KAT6A: variants seen among roughly 807,000 people sequenced by gnomAD.
KAT6A encodes lysine acetyltransferase 6A, also known as histone acetyltransferase KAT6A.
KAT6A carries 9 observed loss-of-function variants against 198.4 expected under a neutral mutation model. That is an observed-to-expected ratio of 0.05 (90% CI 0.03 to 0.08). The LOEUF (loss-of-function observed/expected upper bound fraction) is 0.08. Ranked by LOEUF, KAT6A falls within the 10% of genes least tolerant of loss-of-function variation. The pLI is 1.00. For synonymous variants in KAT6A, 890 were observed against 883.0 expected, an observed-to-expected ratio of 1.01 and a Z score of -0.14; for missense variants, 2,077 against 2,509.9, an observed-to-expected ratio of 0.83 and a Z score of 3.69.
At chr8:42,025,515 T>C (rs1826768852) in intron 2 of KAT6A, among the ~76,000 whole-genome samples, 1 of 152,146 alleles carries the variant, frequency 6.6e-6, no homozygotes, top group African/African-American at 2.4e-5. Context: ...CACTTTTGGC[T>C]GGGCATTTTT....
intron 14 of KAT6A, chr8:41,942,293 G>T: frequency 4.3e-6 from 1 of 230,194 alleles, no homozygotes; most frequent in Non-Finnish European, 8.6e-6. Context: ...TAAGGAAAAT[G>T]TATCTCCATT....
intron 2 of KAT6A, among the ~76,000 whole-genome samples, chr8:42,017,786 T>A (rs539990340): frequency 6.6e-6 from 1 of 152,158 alleles, no homozygotes; most frequent in Non-Finnish European, 1.5e-5. Flanking sequence ...ATTTTAGAGA[T>A]AGCACTCAGA....
At chr8:42,003,346 G>A (rs1278116531) in intron 2 of KAT6A, among the ~76,000 whole-genome samples, 1 of 151,998 alleles carries the variant, frequency 6.6e-6, no homozygotes, top group Non-Finnish European at 1.5e-5. Context: ...GGGGCCTCTC[G>A]CTCAAGTCTT....
At chr8:42,048,289 A>T in intron 2 of KAT6A, 89 bp downstream of exon 2, 1 of 1,470,746 alleles carries the variant, frequency 6.8e-7, no homozygotes, top group Non-Finnish European at 9.2e-7. Context: ...TCCCCAAACA[A>T]AAAACTTGAA....
intron 5 of KAT6A, among the ~76,000 whole-genome samples, chr8:41,980,106 G>C (rs918075432): frequency 2.0e-5 from 3 of 152,084 alleles, no homozygotes; most frequent in Non-Finnish European, 2.9e-5. Flanking sequence ...ATATCCTATA[G>C]GCATTTTACT....
At chr8:41,964,114 A>T (rs185266641) in intron 8 of KAT6A, among the ~76,000 whole-genome samples, 1 of 152,194 alleles carries the variant, frequency 6.6e-6, no homozygotes, top group Non-Finnish European at 1.5e-5. Context: ...CAGTAATACT[A>T]TATCATAAAT....
intron 2 of KAT6A, among the ~76,000 whole-genome samples, chr8:42,037,108 T>TA (rs1040393494): frequency 1.6e-4 from 24 of 151,908 alleles, no homozygotes; most frequent in Non-Finnish European, 2.4e-4. Flanking sequence ...AAATAAAAAA[T>TA]AAAAAAAACT....
At chr8:41,975,697 G>A (rs555547086) in intron 7 of KAT6A, among the ~76,000 whole-genome samples, 20 of 151,994 alleles carry the variant, frequency 1.3e-4, no homozygotes, top group African/African-American at 2.2e-4. Flanking sequence ...TACAGCATTC[G>A]GTACTTAAAC....
At chr8:41,976,630 T>C (rs1412854936) in intron 7 of KAT6A, among the ~76,000 whole-genome samples, 6 of 152,186 alleles carry the variant, frequency 3.9e-5, no homozygotes, top group African/African-American at 1.4e-4. Context: ...CCCAGTTCTA[T>C]TCTTTCCAGT....
chr8:41,989,089 T>C (rs1198654980), intron 2 of KAT6A, among the ~76,000 whole-genome samples: 7 of 152,060 alleles, frequency 4.6e-5, no homozygotes, highest in African/African-American at 9.7e-5. Context: ...CCCTTTGACT[T>C]AAGTTTTTCC....
At chr8:42,045,170 G>A (rs1302960151) in intron 2 of KAT6A, among the ~76,000 whole-genome samples, 1 of 152,132 alleles carries the variant, frequency 6.6e-6, no homozygotes, top group Non-Finnish European at 1.5e-5. Context: ...TAATTGAATA[G>A]ATACTATCAT....
intron 3 of KAT6A, among the ~76,000 whole-genome samples, chr8:41,986,552 G>C (rs949183264): frequency 2.6e-5 from 4 of 151,824 alleles, no homozygotes; most frequent in Admixed American, 6.6e-5. Flanking sequence ...AAGACCAAGA[G>C]GAAAAAATAA....
intron 2 of KAT6A, among the ~76,000 whole-genome samples, chr8:42,035,631 G>C (rs957683784): frequency 6.6e-6 from 1 of 152,168 alleles, no homozygotes; most frequent in African/African-American, 2.4e-5. Flanking sequence ...TTATCCCAGA[G>C]GAAAGGGAAG....
chr8:41,987,572 A>C lies in KAT6A; in HGVS notation c.601-9T>G. The C allele has an allele frequency of 6.6e-7, 1 of 1,507,856 alleles. No homozygotes were observed. Among genetic ancestry groups the C allele is most frequent in the South Asian group, 1.1e-5 (1 of 88,422 alleles). 93.4% of individuals were successfully genotyped at this position (1,507,856 alleles called of 1,614,324 possible). ...ATTGGTTCAGCAACCGGCTGTGAAG[A>C]AAAACACAATTCATTCCAGTACTAA... On this transcript the variant is annotated splice_polypyrimidine_tract_variant and intron_variant, in intron 2 of 16. Coordinates refer to ENST00000265713, the MANE Select transcript of KAT6A (RefSeq NM_006766.5).
At chr8:42,031,009 A>C (rs1018729314) in intron 2 of KAT6A, among the ~76,000 whole-genome samples, 1 of 123,758 alleles carries the variant, frequency 8.1e-6, no homozygotes, top group Non-Finnish European at 1.6e-5. Context: ...GAGTATGTTA[A>C]GGTATGCTGC....
At chr8:41,953,175 C>T (rs1019074676) in intron 9 of KAT6A, among the ~76,000 whole-genome samples, 5 of 152,134 alleles carry the variant, frequency 3.3e-5, no homozygotes, top group Non-Finnish European at 5.9e-5. Context: ...CTTTAAATAT[C>T]TATCTTAAAA....
intron 15 of KAT6A, among the ~76,000 whole-genome samples, 181 bp downstream of exon 15, chr8:41,940,661 C>CA (rs1316767567): frequency 6.6e-6 from 1 of 152,186 alleles, no homozygotes; most frequent in Non-Finnish European, 1.5e-5. Context: ...GTCAAACACA[C>CA]ACACACATCT....
chr8:42,013,349 G>A (rs1826114510), intron 2 of KAT6A, among the ~76,000 whole-genome samples: 3 of 151,506 alleles, frequency 2.0e-5, no homozygotes, highest in South Asian at 4.2e-4. Context: ...TCCGCCTCCC[G>A]GGTTCAAGCG....
intron 2 of KAT6A, among the ~76,000 whole-genome samples, chr8:42,020,786 A>T (rs545907834): frequency 6.6e-6 from 1 of 152,278 alleles, no homozygotes; most frequent in African/African-American, 2.4e-5. Flanking sequence ...TTTTAGCAAA[A>T]TCCCCAAAGG....
Sources: gnomAD v4.1 joint callset for allele counts (sites outside exome capture counted in the v4.1 genomes callset) on GRCh38, gnomAD v4.1.1 for gene constraint, MANE v1.5 for transcripts, NCBI Gene and HGNC (gene_info 2026-07-23, HGNC 2026-07-21) for gene names.